The following EVL variants were observed in gnomAD, a reference collection of about 807,000 sequenced individuals.
EVL encodes the protein Enah/Vasp-like, also known as ena/VASP-like protein.
EVL carries 21 observed loss-of-function variants against 59.6 expected under a neutral mutation model. The ratio of observed to expected loss-of-function variants is 0.35; its 90% CI spans 0.25 to 0.51. EVL has a LOEUF of 0.51. Ranked by LOEUF, EVL falls within the 20% of genes least tolerant of loss-of-function variation. The pLI, the probability that EVL is intolerant of heterozygous loss-of-function variation, is 0.97. For missense variants in EVL, 462 were observed against 546.6 expected (o/e 0.85, Z 1.54); for synonymous variants, 198 against 203.5 (o/e 0.97, Z 0.23).
At chr14:100,029,471 C>T (rs1010955868) in intron 1 of EVL, among the ~76,000 whole-genome samples, 13 of 152,132 alleles carry the variant, frequency 8.5e-5, no homozygotes, top group Admixed American at 6.5e-4. Flanking sequence ...ATCCTTAGTC[C>T]TGCCTCCAGG....
In EVL at chr14:100,075,956, G is replaced by A. The variant is rs116965464; in HGVS notation, c.12-8731G>A. ...TTGCAGTGATCTGTTTTTCTTGATA[G>A]ATTGTAATCTCCTTCAGAGCTGAGC... On this transcript the variant is annotated intron_variant, in intron 1 of 13. Coordinates refer to ENST00000392920, the MANE Select transcript of EVL (RefSeq NM_016337.3). Among the ~76,000 whole-genome samples, 215 of 152,296 alleles carry A rather than the reference G, an allele frequency of 1.4e-3. 4 individuals are homozygous for A. The highest frequency in any genetic ancestry group is 0.014 in the East Asian group (72 of 5,184).
chr14:100,013,397 A>G (rs2061029309), intron 1 of EVL, among the ~76,000 whole-genome samples: 1 of 152,208 alleles, frequency 6.6e-6, no homozygotes, highest in Non-Finnish European at 1.5e-5. Context: ...AATGTGTGTA[A>G]TGCACATCAC....
chr14:100,021,500 G>T (rs1370013199), intron 1 of EVL, among the ~76,000 whole-genome samples: 1 of 152,194 alleles, frequency 6.6e-6, no homozygotes, highest in Non-Finnish European at 1.5e-5. Flanking sequence ...CATGGAGTTT[G>T]TGTATGTGGG....
At chr14:100,059,170 GA>G (rs2061780969) in intron 1 of EVL, among the ~76,000 whole-genome samples, 1 of 152,206 alleles carries the variant, frequency 6.6e-6, no homozygotes, top group Admixed American at 6.5e-5. Context: ...TGAAGCAACT[GA>G]ATATACAAAG....
intron 1 of EVL, among the ~76,000 whole-genome samples, chr14:100,028,201 A>G (rs1333260092): frequency 1.5e-5 from 2 of 133,188 alleles, no homozygotes; most frequent in African/African-American, 5.6e-5. Flanking sequence ...GTACTAATTT[A>G]TATTCTCACC....
At chr14:100,091,307 A>G (rs2140310966) in intron 2 of EVL, among the ~76,000 whole-genome samples, 1 of 152,332 alleles carries the variant, frequency 6.6e-6, no homozygotes, top group Middle Eastern at 3.4e-3. Flanking sequence ...TCATTTCAGA[A>G]TGGGTTCCGC....
chr14:100,135,356 G>C (rs1285067951), intron 8 of EVL: 1 of 152,684 alleles, frequency 6.5e-6, no homozygotes, highest in African/African-American at 2.4e-5. Context: ...TGTGCATTCT[G>C]CTTCATCAAG....
In EVL at chr14:100,055,826, T is replaced by C. The variant is rs996062887; in HGVS notation, c.6-28861T>C. ...TTTTTTCTTTTTCTTTCTCTTTTTCTTTTGGAGACGGAGTCTTGCTCTGTC... is the reference window on the plus strand; with the variant it reads ...TTTTTTCTTTTTCTTTCTCTTTTTCCTTTGGAGACGGAGTCTTGCTCTGTC... On this transcript the variant is annotated intron_variant, in intron 1 of 13. Coordinates refer to the EVL transcript ENST00000402714. Among the ~76,000 whole-genome samples, 4 of 152,200 alleles carry C rather than the reference T, an allele frequency of 2.6e-5. No individual in the cohort carries two copies. In the East Asian group the frequency reaches 7.7e-4, roughly 29 times the overall value.
rs577453339 is a variant in EVL at position 100,133,490 on chromosome 14, C to T, written c.900+711C>T. Among the ~76,000 whole-genome samples the T allele has an allele frequency of 4.6e-5, 7 of 152,356 alleles. No homozygotes were observed. The East Asian group carries it at 1.2e-3, about 25-fold the overall frequency. On this transcript the variant is annotated intron_variant, in intron 8 of 13. Transcript: ENST00000392920. ...GAGCAGGCTTCCTGCCCTGTCCTCC[C>T]ATCAGTCAGGGTCATGCTGGTGTTA...
intron 1 of EVL, among the ~76,000 whole-genome samples, chr14:100,047,528 G>A (rs773984935): frequency 6.6e-6 from 1 of 152,132 alleles, no homozygotes; most frequent in Non-Finnish European, 1.5e-5. Flanking sequence ...AGACAGCCCT[G>A]CTTTCCTCAG....
Position 100,143,761 on chromosome 14 carries a change from T to TA in EVL, c.*23_*24insA. The TA allele has an allele frequency of 5.0e-6, 8 of 1,610,082 alleles. No individual in the cohort carries two copies. The South Asian group carries it at 8.8e-5, about 18-fold the overall frequency. ...TAAGGGGCCGGCCTCGCTGCGCTGA[T>TA]TCGTCGAGCCCATCCGGCGACAGAG... On this transcript the variant is annotated 3_prime_UTR_variant, in exon 14 of 14. Transcript: ENST00000392920.
intron 1 of EVL, among the ~76,000 whole-genome samples, chr14:99,987,377 C>T (rs183015919): frequency 9.2e-5 from 14 of 152,298 alleles, no homozygotes; most frequent in African/African-American, 3.1e-4. Context: ...CATGGTGGCT[C>T]ATGCCTGTAA....
At chr14:100,026,258 A>C (rs574936985) in intron 1 of EVL, among the ~76,000 whole-genome samples, 146 of 151,790 alleles carry the variant, frequency 9.6e-4, no homozygotes, top group African/African-American at 3.4e-3. Context: ...AAAAAACACA[A>C]CACTGTTGTG....
chr14:99,988,311 G>C (rs906670055), intron 1 of EVL, among the ~76,000 whole-genome samples: 2 of 152,120 alleles, frequency 1.3e-5, no homozygotes, highest in African/African-American at 4.8e-5. Context: ...AAGGTGCTTA[G>C]CATCATTAGA....
Position 100,141,749 on chromosome 14 carries a change from A to T in EVL, c.1175A>T (p.Glu392Val), listed in dbSNP as rs1889181761. 3 of 1,613,332 alleles carry T rather than the reference A, an allele frequency of 1.9e-6. No individual in the cohort carries two copies. Among genetic ancestry groups the T allele is most frequent in the Non-Finnish European group, 2.5e-6 (3 of 1,179,888 alleles). ...LDRMKQEILE[E>V]VVRELHKVKE... ...CTCTCCCAACAGGAGATCCTAGAGGAGGTGGTGAGAGAGCTCCACAAGGTG... is the reference window on the plus strand; with the variant it reads ...CTCTCCCAACAGGAGATCCTAGAGGTGGTGGTGAGAGAGCTCCACAAGGTG... The change falls in exon 13 of 14, where the codon GAG becomes GTG. Residue 392 changes from glutamate (E) to valine (V), a missense_variant. Transcript: ENST00000392920.
chr14:100,083,325 C>A (rs1281896333), intron 1 of EVL, among the ~76,000 whole-genome samples: 1 of 152,108 alleles, frequency 6.6e-6, no homozygotes, highest in Non-Finnish European at 1.5e-5. Flanking sequence ...TGGGATAGAA[C>A]TGTGATTTGA....
chr14:100,099,943 CTT>C (rs768464917), intron 3 of EVL, among the ~76,000 whole-genome samples: 4 of 90,034 alleles, frequency 4.4e-5, no homozygotes, highest in African/African-American at 4.4e-5. Flanking sequence ...TCTGAAAGTG[CTT>C]TTTTTTTTTG....
rs1566974674 is a variant in EVL at position 100,028,144 on chromosome 14, T to TTTG, written c.5+56089_5+56090insGTT. The stretch of plus-strand genomic sequence containing the variant: ...TTTTTTTGTTTGTTTGTTTTTTTTT[T>TTTG]TTTTTTTGAGGAACCTCCAAACTGT... On this transcript the variant is annotated intron_variant, in intron 1 of 13. Coordinates refer to the EVL transcript ENST00000402714. Among the ~76,000 whole-genome samples, 170 of 150,840 alleles carry TTTG rather than the reference T, an allele frequency of 1.1e-3. 2 individuals are homozygous for TTTG. Among genetic ancestry groups the TTTG allele is most frequent in the South Asian group, 1.5e-3 (7 of 4,806 alleles).
Position 100,088,914 on chromosome 14 carries a change from C to T in EVL, c.180+4059C>T, listed in dbSNP as rs368369725. ...AATAAAGCTGATAAGGAGATCCCAA[C>T]GAGGCCTCCAAAAACAAAAAGTTGA... On this transcript the variant is annotated intron_variant, in intron 2 of 13. Coordinates refer to ENST00000392920, the MANE Select transcript of EVL (RefSeq NM_016337.3). 1.1e-4 allele frequency among the ~76,000 whole-genome samples: 17 copies of T among 152,222 alleles called. No homozygotes were observed. In the East Asian group the frequency reaches 2.1e-3, roughly 19 times the overall value.
Sources: gnomAD v4.1 joint callset for allele counts (sites outside exome capture counted in the v4.1 genomes callset) on GRCh38, gnomAD v4.1.1 for gene constraint, MANE v1.5 for transcripts, NCBI Gene and HGNC (gene_info 2026-07-23, HGNC 2026-07-21) for gene names.